The following MACC1 variants were observed in gnomAD, a reference collection of about 807,000 sequenced individuals.
MACC1 encodes the protein metastasis-associated in colon cancer protein 1.
In MACC1, 79 loss-of-function variants were observed where a neutral mutation model predicts 70.7. The observed-to-expected ratio is 1.12, with a 90% CI of 0.93 to 1.35. MACC1 has a LOEUF of 1.35. MACC1 is among the 40% of genes most tolerant of loss of function. MACC1 has a pLI of 0.00. For missense variants in MACC1, 1,106 were observed against 978.1 expected, an observed-to-expected ratio of 1.13 and a Z score of -1.74; for synonymous variants, 361 against 347.2, an observed-to-expected ratio of 1.04 and a Z score of -0.44.
chr7:20,194,677 G>A (rs1013735864), intron 1 of MACC1, among the ~76,000 whole-genome samples: 1 of 152,152 alleles, frequency 6.6e-6, no homozygotes, highest in Non-Finnish European at 1.5e-5. Context: ...CAACAATAAG[G>A]AAAGGCTGTC....
At chr7:20,145,875 C>G (rs749657219) in intron 6 of MACC1, among the ~76,000 whole-genome samples, 3 of 152,158 alleles carry the variant, frequency 2.0e-5, no homozygotes, top group Non-Finnish European at 4.4e-5. Context: ...AAGTAAATCT[C>G]TAGGCTGGGG....
Position 20,178,292 on chromosome 7 carries a change from CA to C in MACC1, c.-217-7515del, listed in dbSNP as rs368202482. 1.4e-3 allele frequency among the ~76,000 whole-genome samples: 75 copies of C among 52,000 alleles called. 1 individual carries two copies. In the East Asian group the frequency reaches 0.016, roughly 11 times the overall value. The allele number at this position is 52,000 out of a possible 152,430, so 34.1% of individuals were successfully genotyped here. On this transcript the variant is annotated intron_variant, in intron 1 of 6. Transcript: ENST00000400331. Reference sequence around the variant, plus strand: ...ACACACACACACACACACACACACACACACACTCCAGAGAATAATTGATTCA... The same window carrying C: ...ACACACACACACACACACACACACACCACACTCCAGAGAATAATTGATTCA...
intron 1 of MACC1, among the ~76,000 whole-genome samples, chr7:20,191,962 T>C (rs888997508): frequency 6.6e-6 from 1 of 152,184 alleles, no homozygotes; most frequent in African/African-American, 2.4e-5. Context: ...TTTTTTATCA[T>C]CTTGCTAAAG....
rs186511975 is a variant in MACC1 at position 20,198,337 on chromosome 7, C to G, written c.-218+18962G>C. Among the ~76,000 whole-genome samples the G allele has an allele frequency of 5.5e-4, 84 of 152,304 alleles. 2 individuals carry two copies. Among genetic ancestry groups the G allele is most frequent in the Admixed American group, 4.4e-3 (68 of 15,300 alleles). ...GGGGCTTTTCTGAACCAGAATTAGG[C>G]ATCAGATCCACAGACAGCATGGGAG... On this transcript the variant is annotated intron_variant, in intron 1 of 6. Transcript: ENST00000400331.
At chr7:20,190,090 A>T (rs1283910888) in intron 1 of MACC1, among the ~76,000 whole-genome samples, 1 of 152,152 alleles carries the variant, frequency 6.6e-6, no homozygotes, top group African/African-American at 2.4e-5. Flanking sequence ...TCACCTCCTA[A>T]TTCTGTCACA....
intron 1 of MACC1, among the ~76,000 whole-genome samples, chr7:20,210,622 G>A (rs1782981242): frequency 6.6e-6 from 1 of 152,074 alleles, no homozygotes; most frequent in Non-Finnish European, 1.5e-5. Flanking sequence ...AAAATTAGAT[G>A]TTACCTATCC....
At chr7:20,197,115 T>G (rs1405561174) in intron 1 of MACC1, among the ~76,000 whole-genome samples, 3 of 152,218 alleles carry the variant, frequency 2.0e-5, no homozygotes, top group Non-Finnish European at 4.4e-5. Flanking sequence ...AATAGAAAGG[T>G]CCATCCCAAT....
rs765280913 is a variant in MACC1 at position 20,158,710 on chromosome 7, T to C, written c.1651A>G (p.Ser551Gly). Reference sequence around the variant, plus strand: ...GCCTTCAGGGTTACCCCATAGTTGCTAAAGTTCAATGTTTTATCTTGAAAT... The same window carrying C: ...GCCTTCAGGGTTACCCCATAGTTGCCAAAGTTCAATGTTTTATCTTGAAAT... Reference protein sequence around the residue: ...PTFQDKTLNFSNYGVTLKAVL... With the variant: ...PTFQDKTLNFGNYGVTLKAVL... The change falls in exon 5 of 7, where the codon AGC becomes GGC. Residue 551 changes from serine (S) to glycine (G), a missense_variant. Transcript: ENST00000400331. 1.2e-6 allele frequency: 2 copies of C among 1,613,892 alleles called. No individual in the cohort carries two copies. Among genetic ancestry groups the C allele is most frequent in the East Asian group, 4.5e-5 (2 of 44,882 alleles).
intron 6 of MACC1, among the ~76,000 whole-genome samples, chr7:20,147,915 C>G (rs1369706783): frequency 6.6e-6 from 1 of 152,208 alleles, no homozygotes; most frequent in Non-Finnish European, 1.5e-5. Context: ...GCCTCCTCAT[C>G]ATCACTGCCA....
intron 1 of MACC1, among the ~76,000 whole-genome samples, chr7:20,195,839 T>C (rs780672104): frequency 2.0e-5 from 3 of 152,248 alleles, no homozygotes; most frequent in Non-Finnish European, 4.4e-5. Flanking sequence ...ACATAGTTTA[T>C]TCCTGAAGTG....
At chr7:20,212,647 A>G (rs1583415346) in intron 1 of MACC1, among the ~76,000 whole-genome samples, 1 of 151,998 alleles carries the variant, frequency 6.6e-6, no homozygotes, top group East Asian at 1.9e-4. Flanking sequence ...TTCCAATCCC[A>G]CATGATTAAC....
chr7:20,181,924 G>A (rs1782515276), intron 1 of MACC1, among the ~76,000 whole-genome samples: 1 of 151,938 alleles, frequency 6.6e-6, no homozygotes, highest in Non-Finnish European at 1.5e-5. Context: ...AAGTCTAGGA[G>A]GTCAAATAAA....
intron 1 of MACC1, among the ~76,000 whole-genome samples, chr7:20,205,634 T>G (rs1446499311): frequency 6.6e-6 from 1 of 152,250 alleles, no homozygotes; most frequent in Non-Finnish European, 1.5e-5. Flanking sequence ...CATTCTTCCC[T>G]GTTTTCTGTG....
chr7:20,155,380 G>A (rs756046837), intron 5 of MACC1, among the ~76,000 whole-genome samples: 50 of 152,096 alleles, frequency 3.3e-4, no homozygotes, highest in African/African-American at 1.1e-3. Context: ...TAAATTAGGC[G>A]CAGTAAGAGA....
At chr7:20,204,030 T>C (rs1178795831) in intron 1 of MACC1, among the ~76,000 whole-genome samples, 1 of 152,250 alleles carries the variant, frequency 6.6e-6, no homozygotes, top group African/African-American at 2.4e-5. Flanking sequence ...CATGCTTTTA[T>C]ATTATTTTGA....
intron 6 of MACC1, among the ~76,000 whole-genome samples, chr7:20,151,069 A>C (rs1219344721): frequency 6.7e-6 from 1 of 149,992 alleles, no homozygotes; most frequent in African/African-American, 2.4e-5. Context: ...AAAAAAAAAA[A>C]AGAAAGGAAG....
In MACC1 at chr7:20,171,548, C is replaced by A. The variant is rs989397574; in HGVS notation, c.-217-770G>T. 4.0e-5 allele frequency among the ~76,000 whole-genome samples: 6 copies of A among 151,576 alleles called. No homozygotes were observed. In the East Asian group the frequency reaches 9.7e-4, roughly 25 times the overall value. On this transcript the variant is annotated intron_variant, in intron 1 of 6. Coordinates refer to ENST00000400331, the MANE Select transcript of MACC1 (RefSeq NM_182762.4). ...GGATTACAGGCATGAGCCACCACGCCCGGCTGATTATTTTCTTTCTTAGAG... is the reference window on the plus strand; with the variant it reads ...GGATTACAGGCATGAGCCACCACGCACGGCTGATTATTTTCTTTCTTAGAG...
intron 1 of MACC1, among the ~76,000 whole-genome samples, chr7:20,194,240 T>A (rs767730109): frequency 5.9e-5 from 9 of 152,070 alleles, no homozygotes; most frequent in African/African-American, 9.7e-5. Context: ...TAATTTTAGA[T>A]TATAGAATCT....
At chr7:20,205,543 T>C (rs1782899075) in intron 1 of MACC1, among the ~76,000 whole-genome samples, 1 of 152,152 alleles carries the variant, frequency 6.6e-6, no homozygotes, top group East Asian at 1.9e-4. Flanking sequence ...GAAAGTTTGT[T>C]TCTTACAGCT....
Sources: allele counts gnomAD v4.1 joint callset (sites outside exome capture counted in the v4.1 genomes callset), GRCh38; gene constraint gnomAD v4.1.1; transcripts MANE v1.5; gene names NCBI Gene and HGNC (gene_info 2026-07-23, HGNC 2026-07-21).